The following PRTG variants were observed in gnomAD, a reference collection of about 807,000 sequenced individuals.
The protein encoded by PRTG is protogenin.
A neutral mutation model predicts 122.5 loss-of-function variants in PRTG; 67 were observed. The ratio of observed to expected loss-of-function variants is 0.55; its 90% CI spans 0.45 to 0.67. The LOEUF is 0.67. Ranked by LOEUF, PRTG falls within the 30% of genes least tolerant of loss-of-function variation. The pLI, the probability that PRTG is intolerant of heterozygous loss-of-function variation, is 0.00. For synonymous variants in PRTG, 554 were observed against 501.1 expected (o/e 1.11, Z -1.41); for missense variants, 1,435 against 1,415.4 (o/e 1.01, Z -0.22).
chr15:55,630,451 T>A (rs141111004), intron 15 of PRTG, among the ~76,000 whole-genome samples: 5 of 152,116 alleles, frequency 3.3e-5, no homozygotes, highest in African/African-American at 1.2e-4. Flanking sequence ...AGATTCAAGA[T>A]AAACAGGGAA....
chr15:55,697,007 A>G (rs1352048943), intron 2 of PRTG, among the ~76,000 whole-genome samples: 2 of 152,208 alleles, frequency 1.3e-5, no homozygotes, highest in South Asian at 2.1e-4. Context: ...TAGTGCATTC[A>G]TATTTTAAAA....
At chr15:55,638,937 T>A (rs920894915) in intron 13 of PRTG, among the ~76,000 whole-genome samples, 2 of 149,732 alleles carry the variant, frequency 1.3e-5, no homozygotes, top group Non-Finnish European at 3.0e-5. Context: ...GGATTTCCTC[T>A]GAAATACTGG....
chr15:55,687,169 T>C (rs1434650537), intron 2 of PRTG, among the ~76,000 whole-genome samples: 2 of 152,198 alleles, frequency 1.3e-5, no homozygotes, highest in Non-Finnish European at 2.9e-5. Flanking sequence ...TTAAGCACAA[T>C]AACTAGAATT....
chr15:55,701,277 C>T (rs771670767), intron 2 of PRTG, among the ~76,000 whole-genome samples: 1 of 152,188 alleles, frequency 6.6e-6, no homozygotes, highest in Non-Finnish European at 1.5e-5. Flanking sequence ...TGGCTCACGC[C>T]TGTAATCCCA....
At position 55,639,672 on chromosome 15, in the gene PRTG, T is replaced by C; in HGVS notation, c.2294A>G (p.Gln765Arg). ...YTIRCNPVGL[Q>R]NASLVLYLQT... Reference sequence around the variant, plus strand: ...AAGGTACAGAACCAAAGAAGCATTCTGCAGGCCAACAGGATTACAGCGGAT... The same window carrying C: ...AAGGTACAGAACCAAAGAAGCATTCCGCAGGCCAACAGGATTACAGCGGAT... Residue 765 changes from glutamine to arginine, a missense_variant, in exon 13 of 20, where the codon CAG becomes CGG. Gln to Arg is a conservative substitution (Grantham distance 43). Coordinates refer to ENST00000389286, the MANE Select transcript of PRTG (RefSeq NM_173814.6). 6.2e-7 allele frequency: 1 copy of C among 1,614,110 alleles called. No individual in the cohort carries two copies. The highest frequency in any genetic ancestry group is 1.7e-5 in the Admixed American group (1 of 60,014).
chr15:55,707,608 T>C (rs747520894), intron 2 of PRTG, among the ~76,000 whole-genome samples: 19 of 152,198 alleles, frequency 1.2e-4, no homozygotes, highest in Admixed American at 6.5e-5. Flanking sequence ...TCCTCCATAA[T>C]GCGATCAATA....
chr15:55,665,515 T>G (rs1436694626), intron 11 of PRTG, among the ~76,000 whole-genome samples: 1 of 151,840 alleles, frequency 6.6e-6, no homozygotes, highest in African/African-American at 2.4e-5. Flanking sequence ...TTGTTTTTTT[T>G]TTTTTTAATC....
At chr15:55,715,726 A>G (rs1335262906) in intron 2 of PRTG, among the ~76,000 whole-genome samples, 1 of 152,248 alleles carries the variant, frequency 6.6e-6, no homozygotes, top group Non-Finnish European at 1.5e-5. Context: ...TACCACTTTT[A>G]AGATCCACAA....
chr15:55,629,115 G>T, intron 15 of PRTG, 111 bp from the exon 16 acceptor site: 1 of 597,358 alleles, frequency 1.7e-6, no homozygotes, highest in Non-Finnish European at 2.7e-6. Context: ...TTATAAAGAT[G>T]ACACATATTG....
intron 2 of PRTG, among the ~76,000 whole-genome samples, chr15:55,727,800 GA>G (rs1199585733): frequency 6.6e-6 from 1 of 151,822 alleles, no homozygotes; most frequent in Admixed American, 6.6e-5. Context: ...CAACTCAAAA[GA>G]AAAAAAGAAA....
intron 2 of PRTG, among the ~76,000 whole-genome samples, chr15:55,697,830 A>G (rs1385715616): frequency 6.6e-6 from 1 of 152,214 alleles, no homozygotes; most frequent in Non-Finnish European, 1.5e-5. Flanking sequence ...TGTTCTGTAA[A>G]GTAAGGGACT....
chr15:55,633,948 A>C (rs1402861909), intron 15 of PRTG, among the ~76,000 whole-genome samples: 5 of 152,218 alleles, frequency 3.3e-5, no homozygotes, highest in Non-Finnish European at 4.4e-5. Context: ...AAAAATCTGT[A>C]ACTGTAATCC....
chr15:55,735,446 G>A (rs1269160521), intron 2 of PRTG, among the ~76,000 whole-genome samples: 1 of 151,618 alleles, frequency 6.6e-6, no homozygotes, highest in Non-Finnish European at 1.5e-5. Flanking sequence ...AAGATTTGTT[G>A]CTTCCTATTA....
rs869067847 is a variant in PRTG at position 55,738,025 on chromosome 15, T to TACAC, written c.397+2353_397+2356dup. ...CTCTATATATATATATATATATATA[T>TACAC]ACACACACACACACACACACACACA... is the stretch of plus-strand genomic sequence containing the variant. On this transcript the variant is annotated intron_variant, in intron 2 of 19. Coordinates refer to ENST00000389286, the MANE Select transcript of PRTG (RefSeq NM_173814.6). 5.1e-3 allele frequency among the ~76,000 whole-genome samples: 491 copies of TACAC among 95,642 alleles called. 2 individuals are homozygous for TACAC. The highest frequency in any genetic ancestry group is 0.013 in the Middle Eastern group (2 of 154). 62.7% of individuals were successfully genotyped at this position (95,642 alleles called of 152,430 possible). A position where few individuals can be genotyped will look rare whatever the true frequency, so the allele number is the denominator to read the frequency against.
intron 2 of PRTG, among the ~76,000 whole-genome samples, chr15:55,713,343 G>A (rs564493694): frequency 4.6e-5 from 7 of 152,184 alleles, no homozygotes; most frequent in South Asian, 4.1e-4. Flanking sequence ...AGCACCCCAC[G>A]ATTTATTAGC....
rs1033428022 is a variant in PRTG, at chr15:55,614,462, T to C, written c.*5550A>G. ...CATTAAAAGAAAACAAAGAATAAACTTGAGCATGGTCCTGTTCATCACTCT... is the reference window on the plus strand; with the variant it reads ...CATTAAAAGAAAACAAAGAATAAACCTGAGCATGGTCCTGTTCATCACTCT... On this transcript the variant is annotated 3_prime_UTR_variant, in exon 20 of 20. Coordinates refer to ENST00000389286, the MANE Select transcript of PRTG (RefSeq NM_173814.6). 6.6e-6 allele frequency: 1 copy of C among 152,086 alleles called. No individual in the cohort carries two copies. Among genetic ancestry groups the C allele is most frequent in the South Asian group, 2.1e-4 (1 of 4,830 alleles). The allele number at this position is 152,086 out of a possible 1,614,324, so 9.4% of individuals were successfully genotyped here. A position where few individuals can be genotyped will look rare whatever the true frequency, so the allele number is the denominator to read the frequency against.
chr15:55,697,689 C>T (rs2059639259), intron 2 of PRTG, among the ~76,000 whole-genome samples: 3 of 152,078 alleles, frequency 2.0e-5, no homozygotes, highest in East Asian at 1.9e-4. Context: ...AGCGTTTCAC[C>T]ATGTTGGCCA....
chr15:55,738,013 T>C (rs1441135187), intron 2 of PRTG, among the ~76,000 whole-genome samples: 3 of 100,472 alleles, frequency 3.0e-5, no homozygotes, highest in African/African-American at 3.2e-5. Flanking sequence ...TATATATATA[T>C]ATATATATAT....
chr15:55,684,379 G>T (rs1595649235), intron 2 of PRTG, among the ~76,000 whole-genome samples: 1 of 152,146 alleles, frequency 6.6e-6, no homozygotes, highest in African/African-American at 2.4e-5. Context: ...TGGGGGTGGT[G>T]GTGGTGGGAA....
Sources: gnomAD v4.1 joint callset for allele counts (sites outside exome capture counted in the v4.1 genomes callset) on GRCh38, gnomAD v4.1.1 for gene constraint, MANE v1.5 for transcripts, NCBI Gene and HGNC (gene_info 2026-07-23, HGNC 2026-07-21) for gene names.